The following FAM227A variants were observed in gnomAD, a reference collection of about 807,000 sequenced individuals.
FAM227A encodes the protein protein FAM227A.
A neutral mutation model predicts 74.7 loss-of-function variants in FAM227A; 80 were observed. The observed-to-expected ratio is 1.07, with a 90% confidence interval of 0.89 to 1.29. FAM227A has a LOEUF of 1.29. Ranked by LOEUF, FAM227A falls within the 50% of genes most tolerant of loss-of-function variation. The pLI, the probability that FAM227A is intolerant of heterozygous loss-of-function variation, is 0.00. For missense variants in FAM227A, 654 were observed against 683.4 expected, an observed-to-expected ratio of 0.96 and a Z score of 0.48; for synonymous variants, 237 against 241.8, an observed-to-expected ratio of 0.98 and a Z score of 0.19.
chr22:38,642,726 G>A lies in FAM227A; in HGVS notation c.225+2837C>T, dbSNP rs564401650. 4.4e-4 allele frequency among the ~76,000 whole-genome samples: 67 copies of A among 150,580 alleles called. 1 individual carries two copies. Among genetic ancestry groups the A allele is most frequent in the South Asian group, 3.0e-3 (14 of 4,694 alleles). On this transcript the variant is annotated intron_variant, in intron 3 of 16. Transcript: ENST00000535113. ...CAAGGTGAGCGGATCACTTGAGGTC[G>A]GGAGTTTGAGACCAGCCTGGCCAAC...
intron 16 of FAM227A, among the ~76,000 whole-genome samples, chr22:38,589,149 T>C (rs906541005): frequency 3.9e-5 from 6 of 152,004 alleles, no homozygotes; most frequent in African/African-American, 1.5e-4. Context: ...CAGACAGACA[T>C]GAAGAAGGCC....
chr22:38,591,219 G>A, intron 16 of FAM227A: 1 of 858,862 alleles, frequency 1.2e-6, no homozygotes, highest in South Asian at 3.8e-5. Context: ...AGCTACTCAG[G>A]AGGCTGAAGT....
Position 38,623,245 on chromosome 22 carries a change from C to T in FAM227A, c.885G>A (p.Trp295Ter), listed in dbSNP as rs199801910. Residue 295 changes from tryptophan (W) to a stop codon, truncating the protein, a stop_gained, in exon 10 of 17, where the codon TGG becomes TGA. Coordinates refer to ENST00000535113, the MANE Select transcript of FAM227A (RefSeq NM_001013647.2). LOFTEE classifies it high-confidence loss of function. ...GCTCTGGGTCTAGTTCCGAGTAGTCCCAGCTGTCATAGCTCTGTGGGCTAG... is the reference window on the plus strand; with the variant it reads ...GCTCTGGGTCTAGTTCCGAGTAGTCTCAGCTGTCATAGCTCTGTGGGCTAG... ...TYPSPQSYDS[W>*]DYSELDPERF... The T allele has an allele frequency of 1.1e-5, 17 of 1,551,512 alleles. No individual in the cohort carries two copies. Among genetic ancestry groups the T allele is most frequent in the Non-Finnish European group, 1.1e-5 (13 of 1,146,904 alleles).
At chr22:38,609,574 G>A (rs1001746280) in intron 11 of FAM227A, among the ~76,000 whole-genome samples, 3 of 152,170 alleles carry the variant, frequency 2.0e-5, no homozygotes, top group Non-Finnish European at 2.9e-5. Flanking sequence ...CAGACAAGCA[G>A]TCCACCAGCC....
intron 6 of FAM227A, among the ~76,000 whole-genome samples, chr22:38,632,198 G>A (rs910822872): frequency 6.6e-6 from 1 of 152,160 alleles, no homozygotes; most frequent in Non-Finnish European, 1.5e-5. Context: ...AGGCCTTGGA[G>A]GAAGTGACAC....
At position 38,626,891 on chromosome 22, in the gene FAM227A, AATATATAT is replaced by A. The variant is rs1555966997; in HGVS notation, c.727-596_727-589del. The stretch of plus-strand genomic sequence containing the variant: ...AAAAAAAAAAAAAAAAAAAAAAAAA[AATATATAT>A]ATATATATATATATACACGTATATA... On this transcript the variant is annotated intron_variant, in intron 8 of 16. Transcript: ENST00000535113. Among the ~76,000 whole-genome samples, 351 of 57,598 alleles carry A rather than the reference AATATATAT, an allele frequency of 6.1e-3. 14 individuals carry two copies. Among genetic ancestry groups the A allele is most frequent in the African/African-American group, 0.03 (341 of 11,354 alleles). 37.8% of individuals were successfully genotyped at this position (57,598 alleles called of 152,430 possible). A position where few individuals can be genotyped will look rare whatever the true frequency, so the allele number is the denominator to read the frequency against.
intron 1 of FAM227A, among the ~76,000 whole-genome samples, chr22:38,650,986 C>A (rs1265074194): frequency 1.3e-5 from 2 of 152,178 alleles, no homozygotes; most frequent in Non-Finnish European, 2.9e-5. Context: ...TTGGTGGGAA[C>A]ATGAACTCAA....
chr22:38,633,128 G>C (rs955968846), intron 6 of FAM227A, among the ~76,000 whole-genome samples: 1 of 152,200 alleles, frequency 6.6e-6, no homozygotes, highest in African/African-American at 2.4e-5. Flanking sequence ...GGGAGGTAAC[G>C]GAGGAGAGGA....
At position 38,641,551 on chromosome 22, in the gene FAM227A, CAAAAAA is replaced by C. The variant is rs34059145; in HGVS notation, c.226-1833_226-1828del. Among the ~76,000 whole-genome samples the C allele has an allele frequency of 3.2e-3, 352 of 109,222 alleles. 5 individuals are homozygous for C. Among genetic ancestry groups the C allele is most frequent in the African/African-American group, 9.8e-3 (337 of 34,556 alleles). The allele number at this position is 109,222 out of a possible 152,430, so 71.7% of individuals were successfully genotyped here. A position where few individuals can be genotyped will look rare whatever the true frequency, so the allele number is the denominator to read the frequency against. On this transcript the variant is annotated intron_variant, in intron 3 of 16. Transcript: ENST00000535113. ...GGGCGACAAGAGTGAAACTCCATCT[CAAAAAA>C]AAAAAAAAAAACAAAACAAAGAGAG...
chr22:38,610,665 C>T (rs774618412), intron 11 of FAM227A, among the ~76,000 whole-genome samples: 6 of 151,730 alleles, frequency 4.0e-5, no homozygotes, highest in Non-Finnish European at 8.8e-5. Context: ...GCTGAGATCA[C>T]GCTATTGCAA....
chr22:38,582,403 T>C lies in FAM227A; in HGVS notation c.*3722A>G. On this transcript the variant is annotated 3_prime_UTR_variant, in exon 17 of 17. Transcript: ENST00000535113. ...TGAGAGTATGGGTTTTCAGCAACAC[T>C]GGGAATGACAGAATTAGAATATCAT... 6.5e-7 allele frequency: 1 copy of C among 1,550,344 alleles called. No individual in the cohort carries two copies. Among genetic ancestry groups the C allele is most frequent in the Non-Finnish European group, 8.7e-7 (1 of 1,146,674 alleles).
At chr22:38,635,938 C>T (rs2091995083) in intron 6 of FAM227A, among the ~76,000 whole-genome samples, 1 of 151,246 alleles carries the variant, frequency 6.6e-6, no homozygotes, top group African/African-American at 2.4e-5. Context: ...CTGCAGTGAG[C>T]TATGATAGTG....
chr22:38,626,301 C>A lies in FAM227A; in HGVS notation c.729G>T (p.Arg243Ser). ...KSHSEEALLKRLPSLLSKAVY... is the reference protein window; with the variant it reads ...KSHSEEALLKSLPSLLSKAVY... ...CGGCTTTGCTGAGAAGTGATGGCAG[C>A]CTCTGCGGAGCAAGCCGAGCTCAGG... The change falls in exon 9 of 17, where the codon AGG becomes AGT. Residue 243 changes from arginine (R) to serine (S), a missense_variant and splice_region_variant. Transcript: ENST00000535113. 1 of 1,551,004 alleles carries A rather than the reference C, an allele frequency of 6.4e-7. No individual in the cohort carries two copies. Among genetic ancestry groups the A allele is most frequent in the Non-Finnish European group, 8.7e-7 (1 of 1,146,642 alleles).
rs181656074 is a variant in FAM227A, at chr22:38,624,922, A to G, written c.850+1258T>C. On this transcript the variant is annotated intron_variant, in intron 9 of 16. Transcript: ENST00000535113. Reference sequence around the variant, plus strand: ...AACGCAGAGACCTATGAGTTCTTCTAGCAAATCTTCTAACATGGGGGTGAT... The same window carrying G: ...AACGCAGAGACCTATGAGTTCTTCTGGCAAATCTTCTAACATGGGGGTGAT... 5.3e-5 allele frequency among the ~76,000 whole-genome samples: 8 copies of G among 152,332 alleles called. No homozygotes were observed. In the East Asian group the frequency reaches 1.5e-3, roughly 29 times the overall value.
chr22:38,650,658 G>A (rs1477344285), intron 1 of FAM227A, among the ~76,000 whole-genome samples: 1 of 152,114 alleles, frequency 6.6e-6, no homozygotes, highest in African/African-American at 2.4e-5. Context: ...TGACCCTAAG[G>A]CTCTCTCCAG....
intron 3 of FAM227A, among the ~76,000 whole-genome samples, chr22:38,642,111 C>T (rs2092129946): frequency 6.6e-6 from 1 of 152,190 alleles, no homozygotes; most frequent in Admixed American, 6.5e-5. Context: ...ACCATTCTGT[C>T]CCAATAATAA....
intron 11 of FAM227A, among the ~76,000 whole-genome samples, chr22:38,609,995 A>G (rs1043536979): frequency 2.9e-4 from 44 of 151,458 alleles, no homozygotes; most frequent in South Asian, 4.2e-4. Context: ...CTGGTCTCGA[A>G]CTCCTGACCT....
At chr22:38,635,028 CA>C (rs1289244698) in intron 6 of FAM227A, among the ~76,000 whole-genome samples, 3 of 151,878 alleles carry the variant, frequency 2.0e-5, no homozygotes, top group South Asian at 2.1e-4. Flanking sequence ...GGGCGGATCA[CA>C]AGGTCAGGAG....
chr22:38,642,278 A>G (rs991664583), intron 3 of FAM227A, among the ~76,000 whole-genome samples: 1 of 152,234 alleles, frequency 6.6e-6, no homozygotes, highest in African/African-American at 2.4e-5. Context: ...AGAAACCTCC[A>G]TGGGAACCAG....
Sources: gnomAD v4.1 joint callset for allele counts (sites outside exome capture counted in the v4.1 genomes callset) on GRCh38, gnomAD v4.1.1 for gene constraint, MANE v1.5 for transcripts, NCBI Gene and HGNC (gene_info 2026-07-23, HGNC 2026-07-21) for gene names.